The following WIPI2 variants were observed in gnomAD, a reference collection of about 807,000 sequenced individuals.
WIPI2 encodes the protein WD repeat domain, phosphoinositide interacting 2, also known as WD repeat domain phosphoinositide-interacting protein 2.
A neutral mutation model predicts 52.3 loss-of-function variants in WIPI2; 28 were observed. The ratio of observed to expected loss-of-function variants is 0.54; its 90% confidence interval spans 0.40 to 0.73. The LOEUF (loss-of-function observed/expected upper bound fraction) is 0.73. Among genes scored for constraint, WIPI2 ranks in the 30% least tolerant of loss-of-function variants. WIPI2 has a pLI of 0.00. For missense variants in WIPI2, 506 were observed against 602.9 expected (o/e 0.84, Z 1.68); for synonymous variants, 268 against 245.0 (o/e 1.09, Z -0.88).
In WIPI2 at chr7:5,222,590, T is replaced by G; in HGVS notation, c.670-12T>G. 5 of 1,613,040 alleles carry G rather than the reference T, an allele frequency of 3.1e-6. No homozygotes were observed. The highest frequency in any genetic ancestry group is 4.2e-6 in the Non-Finnish European group (5 of 1,179,244). On this transcript the variant is annotated splice_polypyrimidine_tract_variant and intron_variant, in intron 7 of 12. Transcript: ENST00000288828. ...TCAGCTCAAATTCTTCTTTTCTCTTTTCCTTCCACAGGGGACCGTGATTAG... is the reference window on the plus strand; with the variant it reads ...TCAGCTCAAATTCTTCTTTTCTCTTGTCCTTCCACAGGGGACCGTGATTAG...
chr7:5,216,048 TA>T (rs1487147675), intron 4 of WIPI2: 2 of 153,576 alleles, frequency 1.3e-5, no homozygotes, highest in Non-Finnish European at 2.9e-5. Context: ...ATGGCCTGGT[TA>T]GAATTCCCAG....
At chr7:5,226,296 C>T (rs1382088041) in intron 9 of WIPI2, 2 of 230,056 alleles carry the variant, frequency 8.7e-6, no homozygotes, top group African/African-American at 2.3e-5. Context: ...TACCTTCCCA[C>T]GGGTAAGCAG....
rs1478195372 is a variant in WIPI2 at position 5,230,315 on chromosome 7, TCCGGCGGCAGCACTAAGACCCA to T, written c.1253-519_1253-498del. 6.6e-6 allele frequency among the ~76,000 whole-genome samples: 1 copy of T among 152,162 alleles called. No homozygotes were observed. Among genetic ancestry groups the T allele is most frequent in the Non-Finnish European group, 1.5e-5 (1 of 68,028 alleles). On this transcript the variant is annotated intron_variant, in intron 12 of 12. Transcript: ENST00000288828. This position sits in a 1 kb window ranked among gnomAD's most constrained non-coding sequence, Gnocchi z 4.8. ...GGGGAATGAGGCCAATGGGCTCCCC[TCCGGCGGCAGCACTAAGACCCA>T]TGCATGAGATCCTCCAGCCACAGCC...
intron 4 of WIPI2, 196 bp from the exon 5 acceptor site, chr7:5,216,367 G>A: frequency 2.4e-6 from 1 of 412,850 alleles, no homozygotes; most frequent in Non-Finnish European, 4.5e-6. Context: ...GGAAGGCAGA[G>A]GTTGCAGTGA....
At chr7:5,194,379 A>G (rs1781639391) in intron 2 of WIPI2, among the ~76,000 whole-genome samples, 1 of 152,170 alleles carries the variant, frequency 6.6e-6, no homozygotes, top group Admixed American at 6.6e-5. Flanking sequence ...GATGATGAAG[A>G]AGGAGAGTCT....
At chr7:5,226,235 G>A (rs1356003065) in intron 9 of WIPI2, 1 of 336,578 alleles carries the variant, frequency 3.0e-6, no homozygotes, top group South Asian at 3.7e-5. Flanking sequence ...TTCCCCTCAC[G>A]ACAAAAGCGT....
At chr7:5,229,586 T>C (rs945797572) in intron 11 of WIPI2, 22 bp from the exon 12 acceptor site, 48 of 1,609,352 alleles carry the variant, frequency 3.0e-5, no homozygotes, top group Non-Finnish European at 3.6e-5. Context: ...GACGCTGAGC[T>C]GTGTCGCTTT....
intron 2 of WIPI2, among the ~76,000 whole-genome samples, chr7:5,194,246 C>T (rs553646869): frequency 6.6e-6 from 1 of 152,228 alleles, no homozygotes; most frequent in East Asian, 1.9e-4. Context: ...GTCCATAGCC[C>T]TGAAAGAGAG....
At chr7:5,228,556 G>T (rs1197115754) in intron 11 of WIPI2, among the ~76,000 whole-genome samples, 1 of 152,220 alleles carries the variant, frequency 6.6e-6, no homozygotes, top group East Asian at 1.9e-4. Flanking sequence ...ATTTGGAAAG[G>T]AAGGGCGCAG....
At chr7:5,200,478 A>G (rs1431652573) in intron 3 of WIPI2, among the ~76,000 whole-genome samples, 3 of 152,112 alleles carry the variant, frequency 2.0e-5, no homozygotes, top group African/African-American at 7.2e-5. Flanking sequence ...TGGGATATTG[A>G]CATCCACCTC....
rs748786016 is a variant in WIPI2, at chr7:5,193,187, G to C, written c.128+16G>C. On this transcript the variant is annotated intron_variant, in intron 2 of 12. Coordinates refer to ENST00000288828, the MANE Select transcript of WIPI2 (RefSeq NM_015610.4). ...CTGTTGTCTGGTTAGTTCCAACCCT[G>C]GTTTCTGAAAGTATCACCTTGGAAG... is the stretch of plus-strand genomic sequence containing the variant. 1 of 1,611,908 alleles carries C rather than the reference G, an allele frequency of 6.2e-7. No individual in the cohort carries two copies. Among genetic ancestry groups the C allele is most frequent in the Admixed American group, 1.7e-5 (1 of 59,898 alleles).
intron 8 of WIPI2, among the ~76,000 whole-genome samples, chr7:5,224,726 G>A (rs527474325): frequency 1.3e-5 from 2 of 152,178 alleles, no homozygotes; most frequent in African/African-American, 2.4e-5. Flanking sequence ...TGGGGCCGCC[G>A]GATCCATCAA....
At position 5,199,578 on chromosome 7, in the gene WIPI2, C is replaced by A. The variant is rs1180836711; in HGVS notation, c.131C>A (p.Ser44Tyr). 2.5e-6 allele frequency: 4 copies of A among 1,611,850 alleles called. No homozygotes were observed. The highest frequency in any genetic ancestry group is 3.4e-6 in the Non-Finnish European group (4 of 1,179,544). Residue 44 changes from serine to tyrosine, a missense_variant and splice_region_variant, in exon 3 of 13, where the codon TCC becomes TAC. Coordinates refer to ENST00000288828, the MANE Select transcript of WIPI2 (RefSeq NM_015610.4). ...TTCTGAATTTGGCTTTTTTGCAGGT[C>A]CCTAGCTGTTGGTAGTAAGTCCGGT... Reference protein sequence around the residue: ...AGLGRRAVVWSLAVGSKSGYK... With the variant: ...AGLGRRAVVWYLAVGSKSGYK...
At chr7:5,208,823 C>G (rs1340581842) in intron 3 of WIPI2, among the ~76,000 whole-genome samples, 3 of 152,002 alleles carry the variant, frequency 2.0e-5, no homozygotes, top group Non-Finnish European at 4.4e-5. Context: ...TTTCTAGTTT[C>G]TTTTCCTTTC....
intron 4 of WIPI2, 38 bp downstream of exon 4, chr7:5,214,742 G>A: frequency 3.1e-6 from 5 of 1,607,356 alleles, no homozygotes; most frequent in Non-Finnish European, 4.2e-6. Flanking sequence ...CTTGTCTGTT[G>A]CTCCCTCCAG....
chr7:5,208,278 A>G (rs994571042), intron 3 of WIPI2, among the ~76,000 whole-genome samples: 13 of 151,994 alleles, frequency 8.6e-5, no homozygotes, highest in African/African-American at 3.1e-4. Context: ...TCTTTTTATT[A>G]TAGAGTTGTT....
At chr7:5,226,030 C>CA (rs146435321) in intron 9 of WIPI2, 100 bp downstream of exon 9, 33,216 of 1,184,888 alleles carry the variant, frequency 0.028, 626 homozygotes, top group Middle Eastern at 0.082. Flanking sequence ...CACCCTCTGA[C>CA]ATCGTTAGCC....
intron 7 of WIPI2, chr7:5,218,246 A>G (rs955981616): frequency 2.1e-6 from 1 of 485,598 alleles, no homozygotes; most frequent in African/African-American, 1.9e-5. Flanking sequence ...GAAAATACAG[A>G]AATGTCCAGA....
At chr7:5,221,502 C>A (rs1287661514) in intron 7 of WIPI2, among the ~76,000 whole-genome samples, 1 of 152,212 alleles carries the variant, frequency 6.6e-6, no homozygotes, top group Non-Finnish European at 1.5e-5. Flanking sequence ...TAAGGCCTTT[C>A]TTTCCATCAG....
Sources: gnomAD v4.1 joint callset for allele counts (sites outside exome capture counted in the v4.1 genomes callset) on GRCh38, gnomAD v4.1.1 for gene constraint, Gnocchi (gnomAD v3.1) non-coding constraint, MANE v1.5 for transcripts, NCBI Gene and HGNC (gene_info 2026-07-23, HGNC 2026-07-21) for gene names.